Variants in SCYL3 observed in about 807,000 individuals in gnomAD.
SCYL3 encodes the protein SCY1 like pseudokinase 3.
A neutral mutation model predicts 73.8 loss-of-function variants in SCYL3; 35 were observed. The observed-to-expected ratio is 0.47, with a 90% CI of 0.36 to 0.63. SCYL3 has a LOEUF of 0.63. SCYL3 is among the 20% of genes least tolerant of loss of function. SCYL3 has a pLI of 0.00. For synonymous variants in SCYL3, 277 were observed against 295.2 expected (o/e 0.94, Z 0.63); for missense variants, 712 against 798.9 (o/e 0.89, Z 1.31).
chr1:169,891,019 C>A (rs1386850035), intron 1 of SCYL3, among the ~76,000 whole-genome samples: 3 of 152,196 alleles, frequency 2.0e-5, no homozygotes, highest in African/African-American at 7.2e-5. Flanking sequence ...TTGGCAGGTA[C>A]CTATCCTGGG....
At chr1:169,859,554 T>C (rs1283627996) in intron 10 of SCYL3, among the ~76,000 whole-genome samples, 1 of 152,232 alleles carries the variant, frequency 6.6e-6, no homozygotes, top group East Asian at 1.9e-4. Flanking sequence ...AAAAAGTTCA[T>C]GTACTGGCAG....
rs75545980 is a variant in SCYL3, at chr1:169,893,773, A to C, written c.-51+15T>G. On this transcript the variant is annotated intron_variant, in intron 1 of 12. Transcript: ENST00000367771. The stretch of plus-strand genomic sequence containing the variant: ...CCTGCAAGGACTGGGGGCGCAGCGC[A>C]GGGCTCCCTGTTACCTGCAGGAAGG... 6.6e-6 allele frequency: 1 copy of C among 152,302 alleles called. No individual in the cohort carries two copies. Among genetic ancestry groups the C allele is most frequent in the Non-Finnish European group, 1.5e-5 (1 of 68,234 alleles). The allele number at this position is 152,302 out of a possible 1,614,324, so 9.4% of individuals were successfully genotyped here. A position where few individuals can be genotyped will look rare whatever the true frequency, so the allele number is the denominator to read the frequency against.
intron 10 of SCYL3, among the ~76,000 whole-genome samples, chr1:169,861,553 C>T (rs1425015869): frequency 2.6e-5 from 4 of 152,132 alleles, no homozygotes; most frequent in Non-Finnish European, 5.9e-5. Context: ...TGGAACAGAA[C>T]CTTCAGCTGA....
In SCYL3 at chr1:169,854,632, G is replaced by T. The variant is rs769212971; in HGVS notation, c.1645C>A (p.Pro549Thr). ...TCTTCAGTGAGTGAAAGCAAAGCAG[G>T]AATAGGCTTCTGCTCCCCTGAGGTA... ...PVTSGEQKPI[P>T]ALLSLTEESM... Residue 549 changes from proline (P) to threonine (T), a missense_variant, in exon 12 of 13, where the codon CCT becomes ACT. By Grantham distance (38) the Pro-to-Thr change is conservative. This residue lies in a region of SCYL3 where 370 missense variants were observed against 350.8 expected (regional missense o/e 1.05). Transcript: ENST00000367771. The T allele has an allele frequency of 6.2e-7, 1 of 1,613,914 alleles. No homozygotes were observed. Among genetic ancestry groups the T allele is most frequent in the African/African-American group, 1.3e-5 (1 of 74,896 alleles).
At chr1:169,887,711 G>A (rs889362618) in intron 2 of SCYL3, among the ~76,000 whole-genome samples, 6 of 152,126 alleles carry the variant, frequency 3.9e-5, no homozygotes, top group East Asian at 3.8e-4. Flanking sequence ...CACGCATCTC[G>A]AGAGAACTGT....
chr1:169,872,214 C>T lies in SCYL3; in HGVS notation c.522+1482G>A, dbSNP rs895371298. Among the ~76,000 whole-genome samples the T allele has an allele frequency of 1.4e-4, 21 of 152,346 alleles. 1 individual carries two copies. Among genetic ancestry groups the T allele is most frequent in the Admixed American group, 2.0e-4 (3 of 15,308 alleles). On this transcript the variant is annotated intron_variant, in intron 5 of 12. Transcript: ENST00000367771. ...CCCCATGCTGTGTGAAGCCTAGGGA[C>T]TTGGTGCCCTGCATCTCAGCCGCTC...
chr1:169,878,824 A>G lies in SCYL3; in HGVS notation c.166-5T>C, dbSNP rs553434010. 1.2e-6 allele frequency: 2 copies of G among 1,603,920 alleles called. No individual in the cohort carries two copies. The highest frequency in any genetic ancestry group is 1.3e-5 in the African/African-American group (1 of 74,402). The stretch of plus-strand genomic sequence containing the variant: ...GTGACGAAGTGTCTTCAAATGCTTT[A>G]AAAATACAAACCGAAGAGCTGAAGT... On this transcript the variant is annotated splice_region_variant and splice_polypyrimidine_tract_variant and intron_variant, in intron 2 of 12. Coordinates refer to ENST00000367771, the MANE Select transcript of SCYL3 (RefSeq NM_020423.7).
At chr1:169,877,545 G>A (rs981732767) in intron 3 of SCYL3, among the ~76,000 whole-genome samples, 7 of 152,110 alleles carry the variant, frequency 4.6e-5, no homozygotes, top group Non-Finnish European at 1.0e-4. Context: ...ATTTTTTAAA[G>A]GAAGGTTTAG....
chr1:169,873,577 A>G (rs764949592), intron 5 of SCYL3, 119 bp downstream of exon 5: 51 of 622,350 alleles, frequency 8.2e-5, no homozygotes, highest in Non-Finnish European at 1.3e-4. Flanking sequence ...TTAAGGCCAG[A>G]GGAATTATGA....
intron 1 of SCYL3, among the ~76,000 whole-genome samples, chr1:169,889,502 T>TA (rs1661914439): frequency 6.6e-6 from 1 of 151,516 alleles, no homozygotes; most frequent in African/African-American, 2.4e-5. Context: ...ACGATAAACA[T>TA]AAGAAAAAGT....
intron 3 of SCYL3, among the ~76,000 whole-genome samples, chr1:169,878,221 G>A (rs914798630): frequency 6.6e-6 from 1 of 152,156 alleles, no homozygotes; most frequent in Non-Finnish European, 1.5e-5. Context: ...CTAAGAAATG[G>A]TCATTTCTTT....
At chr1:169,865,962 A>G (rs774753145) in intron 8 of SCYL3, among the ~76,000 whole-genome samples, 2 of 151,934 alleles carry the variant, frequency 1.3e-5, no homozygotes, top group Non-Finnish European at 2.9e-5. Flanking sequence ...CATGCTACCC[A>G]CTTTCTCTGT....
Position 169,859,057 on chromosome 1 carries a change from A to G in SCYL3, c.1296T>C (p.Thr432=), listed in dbSNP as rs752261904. 6.2e-6 allele frequency: 10 copies of G among 1,613,352 alleles called. No individual in the cohort carries two copies. Among genetic ancestry groups the G allele is most frequent in the Non-Finnish European group, 8.5e-6 (10 of 1,179,774 alleles). ...AATTCTTACCTTCTAGAGAAAGGTC[A>G]GTATTTTTAGTAAAACTTGGGGCAG... is the stretch of plus-strand genomic sequence containing the variant. ...KRTAPSFTKN[T]DLSLEGDPFS... Residue 432 remains threonine, a synonymous_variant, in exon 11 of 13, where the codon ACT becomes ACC. Coordinates refer to ENST00000367771, the MANE Select transcript of SCYL3 (RefSeq NM_020423.7).
intron 4 of SCYL3, among the ~76,000 whole-genome samples, 195 bp downstream of exon 4, chr1:169,875,783 A>C (rs1001682443): frequency 1.3e-5 from 2 of 152,266 alleles, no homozygotes; most frequent in Admixed American, 1.3e-4. Flanking sequence ...TTATAAAATA[A>C]GGAGAAAGGA....
chr1:169,854,440 G>GCTT lies in SCYL3; in HGVS notation c.1834_1836dup (p.Lys612dup), dbSNP rs1263220906. The GCTT allele has an allele frequency of 2.5e-6, 4 of 1,613,914 alleles. No individual in the cohort carries two copies. In the African/African-American group the frequency reaches 5.3e-5, roughly 22 times the overall value. ...CAATCCATCTCAGGATCTTTTACTG[G>GCTT]CTTCTTTTTTACTTGAATGGTGAAT... On this transcript the variant is annotated inframe_insertion, in exon 12 of 13. Transcript: ENST00000367771.
rs369110458 is a variant in SCYL3 at position 169,854,330 on chromosome 1, C to T, written c.1947G>A (p.Lys649=). 6.8e-6 allele frequency: 11 copies of T among 1,612,630 alleles called. No homozygotes were observed. In the African/African-American group the frequency reaches 1.2e-4, roughly 18 times the overall value. Reference sequence around the variant, plus strand: ...ACTGCATCACTGGGGAGACATCATCCTTTTTTGGGACCATTTCTGTCCTCA... The same window carrying T: ...ACTGCATCACTGGGGAGACATCATCTTTTTTTGGGACCATTTCTGTCCTCA... ...PELRTEMVPK[K]DDVSPVMQFS... Residue 649 remains lysine, a synonymous_variant, in exon 12 of 13, where the codon AAG becomes AAA. Transcript: ENST00000367771.
At chr1:169,857,479 T>C (rs1005273928) in intron 11 of SCYL3, among the ~76,000 whole-genome samples, 1 of 152,224 alleles carries the variant, frequency 6.6e-6, no homozygotes, top group African/African-American at 2.4e-5. Flanking sequence ...CCTGCAAATA[T>C]GGGGGACCAA....
At chr1:169,870,479 C>T (rs941823066) in intron 5 of SCYL3, 122 bp from the exon 6 acceptor site, 1 of 656,762 alleles carries the variant, frequency 1.5e-6, no homozygotes, top group Non-Finnish European at 2.7e-6. Context: ...CAGACCACCA[C>T]ACATGAATGT....
chr1:169,873,801 G>A, intron 4 of SCYL3, 49 bp from the exon 5 acceptor site: 2 of 1,344,218 alleles, frequency 1.5e-6, no homozygotes, highest in African/African-American at 2.9e-5. Context: ...TATGTTTGGT[G>A]AACTAATCTC....
Sources: gnomAD v4.1 joint callset for allele counts (sites outside exome capture counted in the v4.1 genomes callset) on GRCh38, gnomAD v4.1.1 for gene constraint, gnomAD v4.1.1 regional missense constraint, MANE v1.5 for transcripts, NCBI Gene and HGNC (gene_info 2026-07-23, HGNC 2026-07-21) for gene names.